Variants in PPP1R21 observed in about 807,000 individuals in gnomAD.
PPP1R21 encodes KLRAQ motif containing 1.
Under a neutral mutation model 112.8 loss-of-function variants are expected in PPP1R21, and 85 were observed. The observed-to-expected ratio is 0.75, with a 90% CI of 0.63 to 0.90. The LOEUF (loss-of-function observed/expected upper bound fraction) is 0.90, where lower values mean the gene tolerates loss of function less well. Ranked by LOEUF, PPP1R21 falls within the 40% of genes least tolerant of loss-of-function variation. The probability of loss-of-function intolerance (pLI) is 0.00; values close to 1 mark genes in which losing one functional copy is unlikely to be tolerated. For missense variants in PPP1R21, 1,199 were observed against 901.5 expected (o/e 1.33, Z -4.23); for synonymous variants, 381 against 322.3 (o/e 1.18, Z -1.95).
At chr2:48,461,096 G>A (rs770157978) in intron 6 of PPP1R21, 42 bp from the exon 7 acceptor site, 25 of 1,549,214 alleles carry the variant, frequency 1.6e-5, no homozygotes, top group Non-Finnish European at 2.6e-6. Context: ...TTCACTCAGT[G>A]ATTGGTGATA....
At chr2:48,468,864 T>C (rs1319726101) in intron 9 of PPP1R21, among the ~76,000 whole-genome samples, 57 of 151,794 alleles carry the variant, frequency 3.8e-4, no homozygotes, top group Admixed American at 3.7e-3. Context: ...TGTGTATGTA[T>C]ATATGTATGT....
intron 14 of PPP1R21, 144 bp downstream of exon 14, chr2:48,486,902 CCTA>C: frequency 1.2e-6 from 1 of 831,478 alleles, no homozygotes; most frequent in East Asian, 2.7e-5. Context: ...TCCTCTGCTT[CCTA>C]CCCAGTATGT....
At chr2:48,448,074 A>G (rs564373303) in intron 1 of PPP1R21, among the ~76,000 whole-genome samples, 1 of 152,364 alleles carries the variant, frequency 6.6e-6, no homozygotes, top group Admixed American at 6.5e-5. Flanking sequence ...GCTGAAATGC[A>G]GAAAAACATC....
At chr2:48,453,416 C>G (rs1572832437) in intron 2 of PPP1R21, among the ~76,000 whole-genome samples, 1 of 152,088 alleles carries the variant, frequency 6.6e-6, no homozygotes, top group Non-Finnish European at 1.5e-5. Flanking sequence ...TGGTCTCCAG[C>G]TTTTGGGCTT....
At chr2:48,470,476 C>T (rs575294540) in intron 9 of PPP1R21, among the ~76,000 whole-genome samples, 140 of 150,100 alleles carry the variant, frequency 9.3e-4, no homozygotes, top group Non-Finnish European at 1.6e-3. Flanking sequence ...GCCAAGATCC[C>T]GCCACTGCAC....
At chr2:48,476,974 T>C (rs1004362915) in intron 12 of PPP1R21, among the ~76,000 whole-genome samples, 17 of 152,126 alleles carry the variant, frequency 1.1e-4, no homozygotes, top group African/African-American at 3.9e-4. Context: ...TTTTTGTTGT[T>C]GTTGTTGCTG....
At chr2:48,511,282 G>T (rs1670626710) in intron 20 of PPP1R21, 58 bp from the exon 21 acceptor site, 3 of 1,518,412 alleles carry the variant, frequency 2.0e-6, no homozygotes, top group Non-Finnish European at 2.6e-6. Context: ...AATTAAAAAA[G>T]CTTCAGAGTG....
At position 48,514,765 on chromosome 2, in the gene PPP1R21, G is replaced by A. The variant is rs778238835; in HGVS notation, c.*21G>A. On this transcript the variant is annotated 3_prime_UTR_variant, in exon 22 of 22. Transcript: ENST00000294952. ...GATAGTTTTGAAATAGCTGGTTGGC[G>A]ACTGTTCTTTCCAGACCTGCTCCTG... 12 of 1,612,676 alleles carry A rather than the reference G, an allele frequency of 7.4e-6. No individual in the cohort carries two copies. In the African/African-American group the frequency reaches 9.3e-5, roughly 13 times the overall value.
chr2:48,508,673 A>C (rs1670495502), intron 19 of PPP1R21, among the ~76,000 whole-genome samples: 1 of 152,158 alleles, frequency 6.6e-6, no homozygotes, highest in South Asian at 2.1e-4. Flanking sequence ...TGTCCTTTTC[A>C]CAAGGACCTG....
intron 13 of PPP1R21, 136 bp from the exon 14 acceptor site, chr2:48,486,495 C>A (rs764004651): frequency 1.5e-6 from 1 of 646,046 alleles, no homozygotes; most frequent in Non-Finnish European, 2.7e-6. Flanking sequence ...TCAGTGCAAT[C>A]CTGACACTTG....
At chr2:48,503,910 A>G (rs1670246210) in intron 17 of PPP1R21, among the ~76,000 whole-genome samples, 1 of 148,996 alleles carries the variant, frequency 6.7e-6, no homozygotes, top group Non-Finnish European at 1.5e-5. Context: ...TCAGGATCGC[A>G]CCATTGCACT....
chr2:48,498,259 GT>G (rs1669939345), intron 16 of PPP1R21, among the ~76,000 whole-genome samples: 2 of 141,584 alleles, frequency 1.4e-5, no homozygotes, highest in Non-Finnish European at 3.1e-5. Flanking sequence ...CACTCTTGAT[GT>G]TTTTCAATGA....
At chr2:48,462,828 G>A (rs1668034915) in intron 7 of PPP1R21, among the ~76,000 whole-genome samples, 1 of 151,822 alleles carries the variant, frequency 6.6e-6, no homozygotes, top group Admixed American at 6.6e-5. Flanking sequence ...GTGGGACAAG[G>A]GAGTCAAAGA....
chr2:48,469,539 G>GAC (rs1668412465), intron 9 of PPP1R21, among the ~76,000 whole-genome samples: 4 of 94,014 alleles, frequency 4.3e-5, no homozygotes, highest in Non-Finnish European at 8.4e-5. Flanking sequence ...TATATATAGA[G>GAC]CATATATATA....
intron 2 of PPP1R21, among the ~76,000 whole-genome samples, chr2:48,453,215 A>G (rs1435244317): frequency 1.3e-5 from 2 of 152,076 alleles, no homozygotes; most frequent in South Asian, 2.1e-4. Context: ...TAGCCTCCCA[A>G]AGTGCTGGGA....
At chr2:48,511,714 T>A (rs78166738) in intron 21 of PPP1R21, among the ~76,000 whole-genome samples, 38 of 142,072 alleles carry the variant, frequency 2.7e-4, no homozygotes, top group South Asian at 6.7e-4. Flanking sequence ...AAAAAAAAAA[T>A]GAAAAAATAA....
intron 12 of PPP1R21, among the ~76,000 whole-genome samples, chr2:48,479,297 A>G (rs1285596593): frequency 6.6e-6 from 1 of 152,148 alleles, no homozygotes; most frequent in African/African-American, 2.4e-5. Flanking sequence ...GGCTATACCT[A>G]TTGGGAATGG....
intron 6 of PPP1R21, 138 bp downstream of exon 6, chr2:48,460,291 A>C: frequency 1.2e-6 from 1 of 812,508 alleles, no homozygotes; most frequent in South Asian, 1.8e-5. Context: ...GTCCTTTTCA[A>C]TTCTGGGATC....
chr2:48,442,665 C>T (rs1319955214), intron 1 of PPP1R21, among the ~76,000 whole-genome samples: 3 of 151,964 alleles, frequency 2.0e-5, no homozygotes, highest in African/African-American at 4.8e-5. Context: ...ATTGGATAAG[C>T]GTTGAGGTTA....
Sources: allele counts gnomAD v4.1 joint callset (sites outside exome capture counted in the v4.1 genomes callset), GRCh38; gene constraint gnomAD v4.1.1; transcripts MANE v1.5; gene names NCBI Gene and HGNC (gene_info 2026-07-23, HGNC 2026-07-21).